FAM83B: variants seen among roughly 807,000 people sequenced by gnomAD.
FAM83B encodes scaffolding CK1 anchoring protein B, also known as protein FAM83B.
In FAM83B, 26 loss-of-function variants were observed where a neutral mutation model predicts 38.8. That is an observed-to-expected ratio of 0.67 (90% CI 0.49 to 0.93). The LOEUF is 0.93. Among genes scored for constraint, FAM83B ranks in the 40% least tolerant of loss-of-function variants. FAM83B has a pLI of 0.00. For synonymous variants in FAM83B, 419 were observed against 423.1 expected, an observed-to-expected ratio of 0.99 and a Z score of 0.12; for missense variants, 1,237 against 1,197.3, an observed-to-expected ratio of 1.03 and a Z score of -0.49.
intron 1 of FAM83B, among the ~76,000 whole-genome samples, chr6:54,862,587 C>G (rs1373299817): frequency 6.6e-6 from 1 of 152,046 alleles, no homozygotes; most frequent in Non-Finnish European, 1.5e-5. Flanking sequence ...TTTTAAAAAC[C>G]TGTCATTGGC....
intron 2 of FAM83B, among the ~76,000 whole-genome samples, chr6:54,881,455 T>G (rs1372933011): frequency 6.6e-6 from 1 of 152,174 alleles, no homozygotes; most frequent in African/African-American, 2.4e-5. Flanking sequence ...TGAATTTTTT[T>G]CTTCCTTGAA....
chr6:54,854,152 A>G (rs1487776309), intron 1 of FAM83B, among the ~76,000 whole-genome samples: 2 of 152,222 alleles, frequency 1.3e-5, no homozygotes, highest in Non-Finnish European at 2.9e-5. Flanking sequence ...GTTGTTTCTC[A>G]TAGATGAACA....
chr6:54,893,999 C>T (rs1016378603), intron 2 of FAM83B, among the ~76,000 whole-genome samples: 1 of 152,072 alleles, frequency 6.6e-6, no homozygotes, highest in Non-Finnish European at 1.5e-5. Flanking sequence ...TATTTTAACC[C>T]GAGTCAGTAT....
Position 54,940,320 on chromosome 6 carries a change from A to C in FAM83B, c.1349A>C (p.Gln450Pro), listed in dbSNP as rs771764348. The C allele has an allele frequency of 6.2e-7, 1 of 1,614,092 alleles. No homozygotes were observed. The highest frequency in any genetic ancestry group is 8.5e-7 in the Non-Finnish European group (1 of 1,180,004). ...CAGAGTTTTGCCAATCGGCTTGCGCAGAGAAAAACAACAAATCTTGCAGAC... is the reference window on the plus strand; with the variant it reads ...CAGAGTTTTGCCAATCGGCTTGCGCCGAGAAAAACAACAAATCTTGCAGAC... ...PAQSFANRLA[Q>P]RKTTNLADRN... The change falls in exon 5 of 5, where the codon CAG becomes CCG. Residue 450 changes from glutamine (Q) to proline (P), a missense_variant. Transcript: ENST00000306858.
chr6:54,854,972 G>A (rs1771409344), intron 1 of FAM83B, among the ~76,000 whole-genome samples: 1 of 151,922 alleles, frequency 6.6e-6, no homozygotes, highest in Admixed American at 6.6e-5. Flanking sequence ...AAGACCAAAG[G>A]GCCGCTTCTC....
chr6:54,926,234 G>A, intron 2 of FAM83B, 137 bp from the exon 3 acceptor site: 1 of 432,544 alleles, frequency 2.3e-6, no homozygotes, highest in Non-Finnish European at 4.0e-6. Context: ...TTTAGAAAAT[G>A]AAATGAATAT....
intron 1 of FAM83B, among the ~76,000 whole-genome samples, chr6:54,852,352 T>C (rs1217707058): frequency 2.0e-5 from 3 of 152,238 alleles, no homozygotes; most frequent in Non-Finnish European, 2.9e-5. Context: ...CAAACTTCAT[T>C]ATTATAATAT....
intron 1 of FAM83B, among the ~76,000 whole-genome samples, chr6:54,854,642 T>A (rs781603242): frequency 6.6e-6 from 1 of 152,236 alleles, no homozygotes; most frequent in African/African-American, 2.4e-5. Context: ...CACAGTATAA[T>A]GTAAACATAA....
intron 2 of FAM83B, among the ~76,000 whole-genome samples, chr6:54,871,826 A>T (rs1344819576): frequency 6.6e-6 from 1 of 150,742 alleles, no homozygotes; most frequent in Non-Finnish European, 1.5e-5. Flanking sequence ...TTTAGTTATG[A>T]CTATGTGATA....
chr6:54,940,010 G>A lies in FAM83B; in HGVS notation c.1039G>A (p.Glu347Lys), dbSNP rs867224522. Residue 347 changes from glutamate (E) to lysine (K), a missense_variant, in exon 5 of 5, where the codon GAA (glutamate) becomes AAA (lysine). Physicochemically the swap from Glu to Lys is moderately conservative, Grantham distance 56. Coordinates refer to ENST00000306858, the MANE Select transcript of FAM83B (RefSeq NM_001010872.3). The stretch of plus-strand genomic sequence containing the variant: ...AAACAGAGGGATATATACTTTAAAT[G>A]AACATGACAAATATAACATAAGAAG... ...FKNRGIYTLN[E>K]HDKYNIRSHG... 1 of 1,613,944 alleles carries A rather than the reference G, an allele frequency of 6.2e-7. No individual in the cohort carries two copies. Among genetic ancestry groups the A allele is most frequent in the South Asian group, 1.1e-5 (1 of 91,068 alleles).
chr6:54,883,332 G>GTTT (rs36040247), intron 2 of FAM83B, among the ~76,000 whole-genome samples: 5 of 90,476 alleles, frequency 5.5e-5, no homozygotes, highest in Admixed American at 2.9e-4. Flanking sequence ...TTTTTTTTAA[G>GTTT]TTTTTTTTTT....
In FAM83B at chr6:54,941,078, T is replaced by G. The variant is rs1292958112; in HGVS notation, c.2107T>G (p.Leu703Val). The G allele has an allele frequency of 1.4e-5, 23 of 1,613,336 alleles. No homozygotes were observed. Among genetic ancestry groups the G allele is most frequent in the Non-Finnish European group, 1.9e-5 (23 of 1,179,820 alleles). ...VRQPEKPKED[L>V]LKSSKSMHNV... ...ACAACCAGAAAAGCCCAAAGAAGAT[T>G]TGCTGAAAAGTTCTAAAAGCATGCA... The change falls in exon 5 of 5, where the codon TTG (leucine) becomes GTG (valine). Residue 703 changes from leucine to valine, a missense_variant. Leu to Val is a conservative substitution (Grantham distance 32, BLOSUM62 1). Coordinates refer to ENST00000306858, the MANE Select transcript of FAM83B (RefSeq NM_001010872.3).
intron 2 of FAM83B, among the ~76,000 whole-genome samples, chr6:54,873,166 A>G (rs964877298): frequency 4.0e-5 from 6 of 151,880 alleles, no homozygotes; most frequent in African/African-American, 1.5e-4. Flanking sequence ...CCCAGCTGTT[A>G]TTTTTTAAGG....
At chr6:54,938,255 T>C (rs1406815686) in intron 4 of FAM83B, among the ~76,000 whole-genome samples, 1 of 152,216 alleles carries the variant, frequency 6.6e-6, no homozygotes, top group African/African-American at 2.4e-5. Flanking sequence ...CACATTTCTT[T>C]ATCCACTTGT....
intron 2 of FAM83B, among the ~76,000 whole-genome samples, chr6:54,876,478 C>T (rs1772000433): frequency 6.6e-6 from 1 of 151,124 alleles, no homozygotes; most frequent in African/African-American, 2.4e-5. Context: ...GCACCCATCA[C>T]CACGCCCGGC....
chr6:54,887,727 C>T (rs1373738245), intron 2 of FAM83B, among the ~76,000 whole-genome samples: 2 of 151,734 alleles, frequency 1.3e-5, no homozygotes, highest in African/African-American at 2.4e-5. Context: ...AACTATTTAA[C>T]TTTATAAAAT....
intron 1 of FAM83B, among the ~76,000 whole-genome samples, chr6:54,857,012 A>G (rs966015494): frequency 3.3e-5 from 5 of 152,152 alleles, no homozygotes; most frequent in Admixed American, 6.6e-5. Context: ...TTAACCCTCT[A>G]CTTTATAAGC....
At chr6:54,849,886 C>T (rs1321235635) in intron 1 of FAM83B, among the ~76,000 whole-genome samples, 1 of 151,482 alleles carries the variant, frequency 6.6e-6, no homozygotes, top group Admixed American at 6.6e-5. Context: ...CAGGTGTAGT[C>T]TCCCGGTTAC....
intron 2 of FAM83B, among the ~76,000 whole-genome samples, chr6:54,925,940 T>A (rs1773278069): frequency 6.6e-6 from 1 of 152,190 alleles, no homozygotes; most frequent in Non-Finnish European, 1.5e-5. Flanking sequence ...TAGAATATTT[T>A]TTTCTCTGTC....
Sources: gnomAD v4.1 joint callset for allele counts (sites outside exome capture counted in the v4.1 genomes callset) on GRCh38, gnomAD v4.1.1 for gene constraint, MANE v1.5 for transcripts, NCBI Gene and HGNC (gene_info 2026-07-23, HGNC 2026-07-21) for gene names.